The following NPAS3 variants were observed in gnomAD, a reference collection of about 807,000 sequenced individuals.
NPAS3 encodes the protein neuronal PAS domain-containing protein 3.
In NPAS3, 14 loss-of-function variants were observed where a neutral mutation model predicts 73.1. The ratio of observed to expected loss-of-function variants is 0.19; its 90% CI spans 0.13 to 0.30. NPAS3 has a LOEUF of 0.30. Among genes scored for constraint, NPAS3 ranks in the 10% least tolerant of loss-of-function variants. NPAS3 has a pLI of 1.00. For missense variants in NPAS3, 1,096 were observed against 1,250.0 expected (o/e 0.88, Z 1.86); for synonymous variants, 620 against 541.5 (o/e 1.14, Z -2.01).
intron 4 of NPAS3, among the ~76,000 whole-genome samples, chr14:33,479,649 A>G (rs2051216466): frequency 6.6e-6 from 1 of 152,176 alleles, no homozygotes; most frequent in Non-Finnish European, 1.5e-5. Context: ...AAGAACACCG[A>G]CACTCTGTGG....
chr14:33,180,799 C>A (rs71399642), intron 2 of NPAS3, among the ~76,000 whole-genome samples: 10 of 69,366 alleles, frequency 1.4e-4, no homozygotes, highest in African/African-American at 1.7e-4. Flanking sequence ...ACACTGTCTC[C>A]AAGAAAAAAA....
chr14:33,605,139 C>T (rs901450824), intron 5 of NPAS3, among the ~76,000 whole-genome samples: 1 of 151,780 alleles, frequency 6.6e-6, no homozygotes, highest in Non-Finnish European at 1.5e-5. Context: ...AAAAAAGAAA[C>T]TTGTTCTTTG....
At chr14:33,502,289 T>G (rs529617240) in intron 4 of NPAS3, among the ~76,000 whole-genome samples, 1 of 151,936 alleles carries the variant, frequency 6.6e-6, no homozygotes, top group East Asian at 2.0e-4. Flanking sequence ...TTTTAACACT[T>G]TGGCTTTTTC....
At chr14:33,128,965 T>C (rs961978032) in intron 2 of NPAS3, among the ~76,000 whole-genome samples, 1 of 152,132 alleles carries the variant, frequency 6.6e-6, no homozygotes, top group Non-Finnish European at 1.5e-5. Context: ...AATCTCTTTT[T>C]GTCACTTTTG....
chr14:33,445,712 T>G (rs371441730), intron 4 of NPAS3, among the ~76,000 whole-genome samples: 67 of 152,342 alleles, frequency 4.4e-4, no homozygotes, highest in African/African-American at 1.5e-3. Flanking sequence ...TAACTACCAT[T>G]TATTCTCTCT....
chr14:33,269,417 C>T (rs2040968892), intron 3 of NPAS3, among the ~76,000 whole-genome samples: 1 of 152,134 alleles, frequency 6.6e-6, no homozygotes, highest in Non-Finnish European at 1.5e-5. Flanking sequence ...GATTTGAACT[C>T]AGGTCAGAAT....
chr14:33,746,171 T>TTTTATTTTATTTATTTATTTA (rs1555326907), intron 7 of NPAS3, among the ~76,000 whole-genome samples: 183 of 144,446 alleles, frequency 1.3e-3, no homozygotes, highest in African/African-American at 4.4e-3. Context: ...TTTTATTTTA[T>TTTTATTTTATTTATTTATTTA]TTTATTTATT....
chr14:33,353,485 A>G (rs2045178392), intron 3 of NPAS3, among the ~76,000 whole-genome samples: 1 of 152,258 alleles, frequency 6.6e-6, no homozygotes, highest in African/African-American at 2.4e-5. Flanking sequence ...ATACAAAGAC[A>G]GAAAACTTGG....
intron 1 of NPAS3, among the ~76,000 whole-genome samples, chr14:33,044,848 A>G (rs1307839195): frequency 1.3e-5 from 2 of 152,176 alleles, no homozygotes; most frequent in Non-Finnish European, 2.9e-5. Context: ...AGTGACTATA[A>G]AATACAGTAG....
At chr14:33,380,246 C>T (rs2046487224) in intron 4 of NPAS3, among the ~76,000 whole-genome samples, 1 of 151,900 alleles carries the variant, frequency 6.6e-6, no homozygotes, top group Non-Finnish European at 1.5e-5. Context: ...TGGTTTTCTT[C>T]TTCTGAGCCT....
chr14:33,463,037 T>C (rs2050345685), intron 4 of NPAS3, among the ~76,000 whole-genome samples: 1 of 152,214 alleles, frequency 6.6e-6, no homozygotes, highest in African/African-American at 2.4e-5. Flanking sequence ...ATATTTCTTA[T>C]TGAGCTCACT....
intron 6 of NPAS3, among the ~76,000 whole-genome samples, chr14:33,682,538 A>C (rs1595431061): frequency 6.6e-6 from 1 of 152,348 alleles, no homozygotes; most frequent in Non-Finnish European, 1.5e-5. Flanking sequence ...CTACCTTGCC[A>C]AACCTAGAAT....
At position 33,502,868 on chromosome 14, in the gene NPAS3, A is replaced by G. The variant is rs17101353; in HGVS notation, c.469-57253A>G. On this transcript the variant is annotated intron_variant, in intron 4 of 11. Transcript: ENST00000356141. ...TCTCTGCACTGCAGATTGAGTCACT[A>G]TGTTTTGGGTCTTGCTTGAAGTAAG... Among the ~76,000 whole-genome samples, 748 of 152,052 alleles carry G rather than the reference A, an allele frequency of 4.9e-3. 6 individuals carry two copies. The highest frequency in any genetic ancestry group is 0.015 in the African/African-American group (609 of 41,520).
chr14:33,285,818 C>T (rs1415779004), intron 3 of NPAS3, among the ~76,000 whole-genome samples: 1 of 152,172 alleles, frequency 6.6e-6, no homozygotes, highest in Non-Finnish European at 1.5e-5. Context: ...ATCTACCTCA[C>T]TTTTTAAGGA....
At chr14:33,060,472 T>C (rs1378993855) in intron 2 of NPAS3, among the ~76,000 whole-genome samples, 1 of 152,240 alleles carries the variant, frequency 6.6e-6, no homozygotes, top group African/African-American at 2.4e-5. Flanking sequence ...ACTCCAAGTG[T>C]AACCAAGATT....
chr14:33,796,182 A>G (rs1004375259), intron 10 of NPAS3, among the ~76,000 whole-genome samples: 7 of 152,160 alleles, frequency 4.6e-5, no homozygotes, highest in Admixed American at 4.6e-4. Flanking sequence ...TCCCTGAGCA[A>G]TACTTTCACA....
chr14:32,958,874 G>A (rs1041625277), intron 1 of NPAS3, among the ~76,000 whole-genome samples: 3 of 152,164 alleles, frequency 2.0e-5, no homozygotes, highest in Non-Finnish European at 2.9e-5. Context: ...TAACAAAATG[G>A]TGATGGTGGT....
chr14:32,952,309 G>A (rs1337903764), intron 1 of NPAS3, among the ~76,000 whole-genome samples: 8 of 151,980 alleles, frequency 5.3e-5, no homozygotes, highest in Non-Finnish European at 7.4e-5. Flanking sequence ...CTAGACTTCC[G>A]TAACTCCTTT....
At chr14:33,005,520 C>T (rs1457180765) in intron 1 of NPAS3, among the ~76,000 whole-genome samples, 5 of 152,052 alleles carry the variant, frequency 3.3e-5, no homozygotes, top group African/African-American at 2.4e-5. Context: ...GGGTCCCCAG[C>T]CCCTGAGATA....
Sources: allele counts gnomAD v4.1 joint callset (sites outside exome capture counted in the v4.1 genomes callset), GRCh38; gene constraint gnomAD v4.1.1; transcripts MANE v1.5; gene names NCBI Gene and HGNC (gene_info 2026-07-23, HGNC 2026-07-21).